The following GPC5 variants were observed in gnomAD, a reference collection of about 807,000 sequenced individuals.
The protein encoded by GPC5 is glypican 5.
GPC5 carries 47 observed loss-of-function variants against 53.9 expected under a neutral mutation model. The observed-to-expected ratio is 0.87, with a 90% CI of 0.69 to 1.11. GPC5 has a LOEUF of 1.11. Among genes scored for constraint, GPC5 ranks in the 50% most tolerant of loss-of-function variants. The probability of loss-of-function intolerance (pLI) is 0.00; values close to 1 mark genes in which losing one functional copy is unlikely to be tolerated. For synonymous variants in GPC5, 286 were observed against 263.3 expected (o/e 1.09, Z -0.84); for missense variants, 748 against 713.1 (o/e 1.05, Z -0.56).
intron 5 of GPC5, among the ~76,000 whole-genome samples, chr13:91,791,574 C>G (rs1395963563): frequency 6.7e-6 from 1 of 149,606 alleles, no homozygotes; most frequent in Non-Finnish European, 1.5e-5. Flanking sequence ...CTTCCATTCT[C>G]ATATTTCTGC....
chr13:91,990,206 C>A (rs1282924721), intron 6 of GPC5, among the ~76,000 whole-genome samples: 1 of 152,188 alleles, frequency 6.6e-6, no homozygotes, highest in Non-Finnish European at 1.5e-5. Context: ...ACAAGTTAAA[C>A]TCTTTGGTTG....
chr13:92,355,297 A>T (rs2043512670), intron 7 of GPC5, among the ~76,000 whole-genome samples: 1 of 151,966 alleles, frequency 6.6e-6, no homozygotes. Flanking sequence ...GCTAAAAAAA[A>T]AAAGAGCTCC....
chr13:92,708,931 G>A (rs551531853), intron 7 of GPC5, among the ~76,000 whole-genome samples: 14 of 113,780 alleles, frequency 1.2e-4, no homozygotes, highest in Admixed American at 3.9e-4. Flanking sequence ...TGCCCAGGCT[G>A]GAGTGCAGTG....
chr13:92,680,794 G>T (rs1887088288), intron 7 of GPC5, among the ~76,000 whole-genome samples: 1 of 152,124 alleles, frequency 6.6e-6, no homozygotes, highest in Admixed American at 6.6e-5. Flanking sequence ...AATATATATT[G>T]ATCTGACCCA....
intron 7 of GPC5, among the ~76,000 whole-genome samples, chr13:92,487,789 T>G (rs976478577): frequency 6.6e-6 from 1 of 151,318 alleles, no homozygotes; most frequent in African/African-American, 2.4e-5. Context: ...ACTTTGATGC[T>G]TTTCTGTGAA....
chr13:92,019,551 T>C lies in GPC5; in HGVS notation c.1401+111494T>C, dbSNP rs566679327. Among the ~76,000 whole-genome samples the C allele has an allele frequency of 4.5e-4, 69 of 152,250 alleles. No individual in the cohort carries two copies. In the South Asian group the frequency reaches 7.3e-3, roughly 16 times the overall value. ...AATATGAATCTCTGTTGCTCATGTT[T>C]CTCTGTGTCTAAGTGGTGATTCAGC... On this transcript the variant is annotated intron_variant, in intron 6 of 7. Transcript: ENST00000377067.
chr13:92,198,768 C>CA (rs1413467158), intron 7 of GPC5, among the ~76,000 whole-genome samples: 2 of 151,990 alleles, frequency 1.3e-5, no homozygotes, highest in African/African-American at 2.4e-5. Context: ...AAAGGATCCC[C>CA]AAAAAAATTA....
intron 7 of GPC5, among the ~76,000 whole-genome samples, chr13:92,763,297 C>A (rs1234039374): frequency 6.6e-6 from 1 of 152,110 alleles, no homozygotes; most frequent in Non-Finnish European, 1.5e-5. Flanking sequence ...TCTTAATGTA[C>A]CAGTTGGGAA....
At chr13:91,893,116 C>G (rs2039405076) in intron 5 of GPC5, among the ~76,000 whole-genome samples, 1 of 151,944 alleles carries the variant, frequency 6.6e-6, no homozygotes, top group African/African-American at 2.4e-5. Flanking sequence ...TATTAAATTA[C>G]TCTCACATAT....
chr13:91,514,517 C>CT (rs1308853240), intron 2 of GPC5, among the ~76,000 whole-genome samples: 1 of 151,894 alleles, frequency 6.6e-6, no homozygotes, highest in African/African-American at 2.4e-5. Context: ...TTTGAAAGTC[C>CT]TTTATGCATT....
At chr13:91,673,179 G>C (rs1455076373) in intron 2 of GPC5, among the ~76,000 whole-genome samples, 1 of 151,902 alleles carries the variant, frequency 6.6e-6, no homozygotes, top group African/African-American at 2.4e-5. Flanking sequence ...TGCAGGTTCT[G>C]CACATGTATC....
At chr13:92,789,279 A>C (rs1876377626) in intron 7 of GPC5, among the ~76,000 whole-genome samples, 1 of 151,974 alleles carries the variant, frequency 6.6e-6, no homozygotes, top group African/African-American at 2.4e-5. Flanking sequence ...CACCACATGG[A>C]CTCTTTATGC....
Position 91,971,670 on chromosome 13 carries a change from T to C in GPC5, c.1401+63613T>C, listed in dbSNP as rs9556134. ...CAGAGATTCTGGTATGTTGTGTCTT[T>C]GTTCTCATTGGTTTCAAAGAACATC... On this transcript the variant is annotated intron_variant, in intron 6 of 7. Coordinates refer to ENST00000377067, the MANE Select transcript of GPC5 (RefSeq NM_004466.6). Among the ~76,000 whole-genome samples, 3 of 152,314 alleles carry C rather than the reference T, an allele frequency of 2.0e-5. No homozygotes were observed. In the East Asian group the frequency reaches 5.8e-4, roughly 29 times the overall value.
intron 6 of GPC5, among the ~76,000 whole-genome samples, chr13:91,967,666 G>A (rs1243234268): frequency 6.6e-6 from 1 of 151,838 alleles, no homozygotes; most frequent in Non-Finnish European, 1.5e-5. Flanking sequence ...CCTGGTAGAA[G>A]AGCATTTCAT....
At chr13:91,918,123 T>C (rs1423480512) in intron 6 of GPC5, among the ~76,000 whole-genome samples, 1 of 152,122 alleles carries the variant, frequency 6.6e-6, no homozygotes, top group African/African-American at 2.4e-5. Context: ...AGAAGGCACC[T>C]CTTCACAGGA....
chr13:92,096,053 T>C (rs2138904247), intron 6 of GPC5, among the ~76,000 whole-genome samples: 1 of 152,374 alleles, frequency 6.6e-6, no homozygotes, highest in Admixed American at 6.5e-5. Flanking sequence ...TCTTCTACTC[T>C]GTGTTTCACT....
chr13:91,895,011 T>A (rs2138975440), intron 5 of GPC5, among the ~76,000 whole-genome samples: 1 of 151,424 alleles, frequency 6.6e-6, no homozygotes, highest in Non-Finnish European at 1.5e-5. Flanking sequence ...TGTTAAGATG[T>A]TTTATCGAAG....
chr13:91,587,152 G>C (rs754997432), intron 2 of GPC5, among the ~76,000 whole-genome samples: 1 of 151,748 alleles, frequency 6.6e-6, no homozygotes, highest in East Asian at 1.9e-4. Context: ...TTTTCTGGGT[G>C]GTATACTTAT....
At chr13:92,227,479 C>A (rs9560989) in intron 7 of GPC5, among the ~76,000 whole-genome samples, 52,374 of 151,866 alleles carry the variant, frequency 0.34, 9,342 homozygotes, top group African/African-American at 0.44. Flanking sequence ...CCTGTCTCGT[C>A]AAGGGTGTGT....
Sources: allele counts gnomAD v4.1 joint callset (sites outside exome capture counted in the v4.1 genomes callset), GRCh38; gene constraint gnomAD v4.1.1; transcripts MANE v1.5; gene names NCBI Gene and HGNC (gene_info 2026-07-23, HGNC 2026-07-21).